Variants in SLC30A7 observed in about 807,000 individuals in gnomAD.
SLC30A7 encodes solute carrier family 30 member 7, also known as zinc transporter 7.
SLC30A7 carries 35 observed loss-of-function variants against 46.0 expected under a neutral mutation model. That is an observed-to-expected ratio of 0.76 (90% confidence interval 0.58 to 1.01). The LOEUF (loss-of-function observed/expected upper bound fraction) is 1.01, where lower values mean the gene tolerates loss of function less well. Ranked by LOEUF, SLC30A7 falls within the 50% of genes least tolerant of loss-of-function variation. The pLI is 0.00. For missense variants in SLC30A7, 464 were observed against 451.1 expected (o/e 1.03, Z -0.26); for synonymous variants, 147 against 157.8 (o/e 0.93, Z 0.51).
chr1:100,899,960 TAAGG>T (rs1317804246), intron 2 of SLC30A7, among the ~76,000 whole-genome samples: 15 of 152,098 alleles, frequency 9.9e-5, no homozygotes, highest in Non-Finnish European at 1.5e-5. Context: ...GATTTTTTAC[TAAGG>T]AAGAAAGAGA....
intron 7 of SLC30A7, among the ~76,000 whole-genome samples, chr1:100,921,436 A>G (rs1652929634): frequency 6.6e-6 from 1 of 152,206 alleles, no homozygotes; most frequent in African/African-American, 2.4e-5. Flanking sequence ...TTTAAAATCA[A>G]CTTGCTTCTC....
At position 100,918,829 on chromosome 1, in the gene SLC30A7, C is replaced by T. The variant is rs796164435; in HGVS notation, c.706+702C>T. On this transcript the variant is annotated intron_variant, in intron 7 of 10. Transcript: ENST00000357650. ...GATTGCTTGGCTGACTGGGAGCTGC[C>T]GCCTGCTGTTGCTGCCCAGCATCAT... is the stretch of plus-strand genomic sequence containing the variant. 5.4e-5 allele frequency among the ~76,000 whole-genome samples: 8 copies of T among 148,192 alleles called. No homozygotes were observed. The South Asian group carries it at 6.3e-4, about 12-fold the overall frequency.
At chr1:100,958,690 T>G (rs74103734) in intron 8 of SLC30A7, among the ~76,000 whole-genome samples, 1,526 of 152,314 alleles carry the variant, frequency 0.01, 24 homozygotes, top group African/African-American at 0.035. Flanking sequence ...CTTTTAAAAT[T>G]TATGAATTAA....
intron 8 of SLC30A7, among the ~76,000 whole-genome samples, chr1:100,948,962 C>T (rs917431903): frequency 9.2e-5 from 14 of 152,128 alleles, no homozygotes; most frequent in Admixed American, 6.5e-4. Flanking sequence ...TTAACTTCCT[C>T]GTGATGGGTT....
chr1:100,898,616 A>G (rs1651119869), intron 2 of SLC30A7, among the ~76,000 whole-genome samples: 1 of 152,186 alleles, frequency 6.6e-6, no homozygotes, highest in Non-Finnish European at 1.5e-5. Flanking sequence ...ATTAATTTTT[A>G]ATACAGATCT....
chr1:100,935,176 C>T (rs1156408627), intron 8 of SLC30A7, among the ~76,000 whole-genome samples: 5 of 152,182 alleles, frequency 3.3e-5, no homozygotes, highest in African/African-American at 7.2e-5. Flanking sequence ...CCTTCATTGT[C>T]AACCCAATCA....
chr1:100,967,830 G>GA (rs999487389), intron 10 of SLC30A7, among the ~76,000 whole-genome samples: 3 of 152,020 alleles, frequency 2.0e-5, no homozygotes, highest in African/African-American at 7.2e-5. Flanking sequence ...TTGGACTGGG[G>GA]AAAAAAAGCA....
intron 8 of SLC30A7, 107 bp downstream of exon 8, chr1:100,921,948 TG>T: frequency 1.1e-6 from 1 of 925,454 alleles, no homozygotes; most frequent in Non-Finnish European, 1.5e-6. Flanking sequence ...TTCCTTTGCT[TG>T]CTTTTTTTTT....
rs2101107318 is a variant in SLC30A7 at position 100,976,607 on chromosome 1, G to A, written c.*1750G>A. Reference sequence around the variant, plus strand: ...TATTCCCTTTTAACTTAAAAAAATTGTAAATGTGGGAGAAAAAACCCTGCA... The same window carrying A: ...TATTCCCTTTTAACTTAAAAAAATTATAAATGTGGGAGAAAAAACCCTGCA... On this transcript the variant is annotated 3_prime_UTR_variant, in exon 11 of 11. Transcript: ENST00000357650. 6.6e-6 allele frequency: 1 copy of A among 152,286 alleles called. No individual in the cohort carries two copies. The highest frequency in any genetic ancestry group is 6.5e-5 in the Admixed American group (1 of 15,286). 9.4% of individuals were successfully genotyped at this position (152,286 alleles called of 1,614,324 possible).
At chr1:100,950,028 C>CA (rs1240335494) in intron 8 of SLC30A7, among the ~76,000 whole-genome samples, 4 of 152,196 alleles carry the variant, frequency 2.6e-5, no homozygotes, top group Admixed American at 6.5e-5. Context: ...ACCCACTGTC[C>CA]AACCAGGCCC....
chr1:100,903,278 T>TG (rs879509871), intron 2 of SLC30A7, among the ~76,000 whole-genome samples: 4 of 152,086 alleles, frequency 2.6e-5, no homozygotes, highest in Non-Finnish European at 4.4e-5. Context: ...AATCTTTTCT[T>TG]GGGGGATCGA....
chr1:100,938,870 A>C (rs1388386681), intron 8 of SLC30A7, among the ~76,000 whole-genome samples: 1 of 152,180 alleles, frequency 6.6e-6, no homozygotes, highest in Non-Finnish European at 1.5e-5. Flanking sequence ...TTTTAGATAG[A>C]AGGGGTACAT....
intron 8 of SLC30A7, among the ~76,000 whole-genome samples, chr1:100,943,320 A>G (rs1194812302): frequency 6.6e-6 from 1 of 152,220 alleles, no homozygotes; most frequent in African/African-American, 2.4e-5. Flanking sequence ...CGTATTATAA[A>G]GGACATAACA....
intron 3 of SLC30A7, among the ~76,000 whole-genome samples, chr1:100,907,992 T>C (rs2101011434): frequency 6.6e-6 from 1 of 152,054 alleles, no homozygotes; most frequent in South Asian, 2.1e-4. Flanking sequence ...CCTTTATCTG[T>C]CAGGCTCAAT....
chr1:100,924,461 C>G (rs953548000), intron 8 of SLC30A7, among the ~76,000 whole-genome samples: 5 of 152,092 alleles, frequency 3.3e-5, no homozygotes, highest in Admixed American at 6.5e-5. Flanking sequence ...TCCTTCAGAT[C>G]AGATTCAGTT....
At chr1:100,990,506 T>C in the SLC30A7 span, 1 of 1,614,206 alleles carries the variant, frequency 6.2e-7, no homozygotes, top group Non-Finnish European at 8.5e-7. Flanking sequence ...CCTCCTGTGA[T>C]GATCAAGGAA....
At position 100,915,777 on chromosome 1, in the gene SLC30A7, T is replaced by A. The variant is rs1411311566; in HGVS notation, c.655+1971T>A. ...TATCTCTTTGAGCTCTTGATTTCAA[T>A]TCTCATGGATATATACCCAGTTTGC... On this transcript the variant is annotated intron_variant, in intron 6 of 10. Transcript: ENST00000357650. Among the ~76,000 whole-genome samples, 6 of 152,232 alleles carry A rather than the reference T, an allele frequency of 3.9e-5. No homozygotes were observed. The East Asian group carries it at 9.6e-4, about 24-fold the overall frequency.
At chr1:100,992,159 C>T in the SLC30A7 span, among the ~76,000 whole-genome samples, 5 of 151,222 alleles carry the variant, frequency 3.3e-5, no homozygotes, top group African/African-American at 9.7e-5. Flanking sequence ...TATTATATAC[C>T]ACACACTGTG....
intron 10 of SLC30A7, among the ~76,000 whole-genome samples, chr1:100,971,345 T>TTTCC (rs1656152243): frequency 6.6e-6 from 1 of 152,244 alleles, no homozygotes; most frequent in African/African-American, 2.4e-5. Flanking sequence ...GGCTTTAATG[T>TTTCC]TTCCTAAGTA....
Sources: gnomAD v4.1 joint callset for allele counts (sites outside exome capture counted in the v4.1 genomes callset) on GRCh38, gnomAD v4.1.1 for gene constraint, MANE v1.5 for transcripts, NCBI Gene and HGNC (gene_info 2026-07-23, HGNC 2026-07-21) for gene names.